The following KCNG3 variants were observed in gnomAD, a reference collection of about 807,000 sequenced individuals.
The protein encoded by KCNG3 is potassium voltage-gated channel modifier subfamily G member 3, also known as voltage-gated potassium channel regulatory subunit KCNG3.
A neutral mutation model predicts 29.0 loss-of-function variants in KCNG3; 15 were observed. The ratio of observed to expected loss-of-function variants is 0.52; its 90% confidence interval spans 0.35 to 0.80. The LOEUF (loss-of-function observed/expected upper bound fraction) is 0.80. Ranked by LOEUF, KCNG3 falls within the 30% of genes least tolerant of loss-of-function variation. The pLI is 0.01. For missense variants in KCNG3, 512 were observed against 605.7 expected, an observed-to-expected ratio of 0.85 and a Z score of 1.62; for synonymous variants, 322 against 248.9, an observed-to-expected ratio of 1.29 and a Z score of -2.76.
intron 1 of KCNG3, among the ~76,000 whole-genome samples, chr2:42,445,886 G>A (rs928048289): frequency 3.3e-5 from 5 of 151,534 alleles, no homozygotes; most frequent in East Asian, 2.0e-4. Context: ...GCCACCATGC[G>A]TGACTAATTT....
the KCNG3 span, among the ~76,000 whole-genome samples, chr2:42,429,259 A>C: frequency 6.6e-6 from 1 of 152,188 alleles, no homozygotes; most frequent in Non-Finnish European, 1.5e-5. Context: ...GAGGAACTTT[A>C]AGTGTAGATA....
intron 1 of KCNG3, among the ~76,000 whole-genome samples, chr2:42,466,234 T>C (rs1673137906): frequency 6.6e-6 from 1 of 152,088 alleles, no homozygotes; most frequent in African/African-American, 2.4e-5. Context: ...GGTGAAACCC[T>C]GTCTCTAACA....
At chr2:42,421,560 G>C in the KCNG3 span, among the ~76,000 whole-genome samples, 1 of 151,686 alleles carries the variant, frequency 6.6e-6, no homozygotes, top group Non-Finnish European at 1.5e-5. Flanking sequence ...TGTTCTGTTG[G>C]TAATATCTTC....
chr2:42,421,688 G>A, the KCNG3 span, among the ~76,000 whole-genome samples: 1 of 152,148 alleles, frequency 6.6e-6, no homozygotes, highest in South Asian at 2.1e-4. Flanking sequence ...AGTTGCAAAT[G>A]GAGAACAGAG....
At chr2:42,492,721 C>CG (rs1673924619) in intron 1 of KCNG3, 116 bp downstream of exon 1, 1 of 898,822 alleles carries the variant, frequency 1.1e-6, no homozygotes, top group South Asian at 3.0e-5. Flanking sequence ...CCTCGCTGGG[C>CG]GCGCACCCCG....
At chr2:42,434,008 C>T in the KCNG3 span, among the ~76,000 whole-genome samples, 5 of 152,066 alleles carry the variant, frequency 3.3e-5, no homozygotes, top group African/African-American at 9.7e-5. Flanking sequence ...ATAAGTGAAT[C>T]GAAAGGCACC....
intron 1 of KCNG3, among the ~76,000 whole-genome samples, chr2:42,452,239 A>T (rs1168839127): frequency 7.2e-5 from 5 of 69,292 alleles, no homozygotes; most frequent in African/African-American, 2.5e-4. Flanking sequence ...ATATATATAT[A>T]TATATTTTTT....
At chr2:42,433,326 T>C in the KCNG3 span, among the ~76,000 whole-genome samples, 1 of 152,282 alleles carries the variant, frequency 6.6e-6, no homozygotes, top group South Asian at 2.1e-4. Flanking sequence ...AAGGAATAGC[T>C]AGAGAACAGG....
chr2:42,477,422 C>CACACACAGACACAT (rs11280811), intron 1 of KCNG3, among the ~76,000 whole-genome samples: 1 of 40,788 alleles, frequency 2.5e-5, no homozygotes, highest in African/African-American at 6.6e-5. Flanking sequence ...CACACACACA[C>CACACACAGACACAT]ATATATTTTT....
the KCNG3 span, among the ~76,000 whole-genome samples, chr2:42,414,347 G>C: frequency 6.6e-6 from 1 of 152,024 alleles, no homozygotes; most frequent in Non-Finnish European, 1.5e-5. Flanking sequence ...GAAATTCAAA[G>C]TTCAAATTAT....
At chr2:42,485,231 T>C (rs1480948026) in intron 1 of KCNG3, among the ~76,000 whole-genome samples, 1 of 152,108 alleles carries the variant, frequency 6.6e-6, no homozygotes, top group African/African-American at 2.4e-5. Flanking sequence ...AATTCCAACA[T>C]GAAGCAACTT....
At chr2:42,482,451 G>A (rs1229673418) in intron 1 of KCNG3, among the ~76,000 whole-genome samples, 1 of 152,136 alleles carries the variant, frequency 6.6e-6, no homozygotes, top group Non-Finnish European at 1.5e-5. Flanking sequence ...TAGGCCAGAC[G>A]CAGTGGCTCA....
At position 42,486,788 on chromosome 2, in the gene KCNG3, G is replaced by T. The variant is rs992796422; in HGVS notation, c.665+6049C>A. Among the ~76,000 whole-genome samples the T allele has an allele frequency of 5.7e-4, 86 of 152,192 alleles. 1 individual carries two copies. The highest frequency in any genetic ancestry group is 1.0e-3 in the Non-Finnish European group (70 of 68,032). On this transcript the variant is annotated intron_variant, in intron 1 of 1. Coordinates refer to ENST00000306078, the MANE Select transcript of KCNG3 (RefSeq NM_133329.6). ...TCCATGACAGCAGGAACCCTTTGTA[G>T]GAACCTCTGTGCCCATACTGTCTGG...
chr2:42,393,178 A>T, the KCNG3 span, among the ~76,000 whole-genome samples: 14 of 152,244 alleles, frequency 9.2e-5, no homozygotes, highest in African/African-American at 3.1e-4. Flanking sequence ...CAAGCATTTA[A>T]AACAGTACTT....
rs527455855 is a variant in KCNG3, at chr2:42,443,341, A to G, written c.*593T>C. On this transcript the variant is annotated 3_prime_UTR_variant, in exon 2 of 2. Coordinates refer to ENST00000306078, the MANE Select transcript of KCNG3 (RefSeq NM_133329.6). ...CGGCACGATAAGGTGAATAATTGGC[A>G]CAAAAATAAAGCAAAGAATTGAGAA... The G allele has an allele frequency of 2.1e-4, 32 of 152,788 alleles. No homozygotes were observed. The highest frequency in any genetic ancestry group is 7.7e-4 in the African/African-American group (32 of 41,578). 9.5% of individuals were successfully genotyped at this position (152,788 alleles called of 1,614,324 possible).
chr2:42,437,270 A>T (rs1221430803), downstream of KCNG3, among the ~76,000 whole-genome samples: 2 of 152,204 alleles, frequency 1.3e-5, no homozygotes, highest in Non-Finnish European at 2.9e-5. Flanking sequence ...GAATCTAATA[A>T]GTGGTTTTGA....
Position 42,493,160 on chromosome 2 carries a change from G to A in KCNG3, c.342C>T (p.Arg114=), listed in dbSNP as rs1335676822. ...EGAHLEYCCQ[R]RLDDRMSDTY... ...TGTCGGACATGCGGTCGTCGAGGCG[G>A]CGCTGGCAGCAGTACTCGAGGTGCG... is the stretch of plus-strand genomic sequence containing the variant. Residue 114 remains arginine (R), a synonymous_variant, in exon 1 of 2, where the codon CGC becomes CGT. Transcript: ENST00000306078. The A allele has an allele frequency of 1.2e-6, 2 of 1,606,948 alleles. No individual in the cohort carries two copies. The highest frequency in any genetic ancestry group is 1.7e-6 in the Non-Finnish European group (2 of 1,179,466).
chr2:42,456,862 CTT>C (rs1192856001), intron 1 of KCNG3, among the ~76,000 whole-genome samples: 2 of 152,162 alleles, frequency 1.3e-5, no homozygotes, highest in Non-Finnish European at 2.9e-5. Context: ...TCAACAGCCA[CTT>C]CATTACCTAG....
chr2:42,493,094 G>C lies in KCNG3; in HGVS notation c.408C>G (p.Gly136=). ...FYSADEPGVL[G]RDEARPGGAE... is the part of the protein sequence containing the mutation. ...CCCCGCCGGGGCGCGCCTCGTCGCG[G>C]CCCAGCACGCCCGGCTCGTCGGCCG... The change falls in exon 1 of 2, where the codon GGC becomes GGG. Residue 136 remains glycine (G), a synonymous_variant. Transcript: ENST00000306078. 6.3e-7 allele frequency: 1 copy of C among 1,578,618 alleles called. No homozygotes were observed. Among genetic ancestry groups the C allele is most frequent in the Non-Finnish European group, 8.6e-7 (1 of 1,167,058 alleles).
Sources: gnomAD v4.1 joint callset for allele counts (sites outside exome capture counted in the v4.1 genomes callset) on GRCh38, gnomAD v4.1.1 for gene constraint, MANE v1.5 for transcripts, NCBI Gene and HGNC (gene_info 2026-07-23, HGNC 2026-07-21) for gene names.